CTNNA3: variants seen among roughly 807,000 people sequenced by gnomAD.
CTNNA3 encodes catenin alpha 3.
In CTNNA3, 76 loss-of-function variants were observed where a neutral mutation model predicts 95.7. That is an observed-to-expected ratio of 0.79 (90% CI 0.66 to 0.96). The LOEUF (loss-of-function observed/expected upper bound fraction) is 0.96. Ranked by LOEUF, CTNNA3 falls within the 40% of genes least tolerant of loss-of-function variation. The probability of loss-of-function intolerance (pLI) is 0.00; values close to 1 mark genes in which losing one functional copy is unlikely to be tolerated. For synonymous variants in CTNNA3, 431 were observed against 374.4 expected (o/e 1.15, Z -1.74); for missense variants, 1,191 against 1,089.8 (o/e 1.09, Z -1.31).
At chr10:66,244,400 A>G (rs1174991175) in intron 13 of CTNNA3, among the ~76,000 whole-genome samples, 1 of 152,164 alleles carries the variant, frequency 6.6e-6, no homozygotes, top group East Asian at 1.9e-4. Context: ...TTGAGGGAAC[A>G]TAGGCAGTAG....
Position 66,379,182 on chromosome 10 carries a change from T to C in CTNNA3, c.1702A>G (p.Met568Val). ...YEPGAYTEGV[M>V]RNVNFLTSTV... ...CTTGTAAGGAAGTTAACATTTCTCA[T>C]TACACCTTCCGTGTAAGCCCCTGGC... The change falls in exon 12 of 18, where the codon ATG (methionine) becomes GTG (valine). Residue 568 changes from methionine to valine, a missense_variant. By Grantham distance (21) the Met-to-Val change is conservative. Coordinates refer to ENST00000433211, the MANE Select transcript of CTNNA3 (RefSeq NM_013266.4). 1 of 1,614,142 alleles carries C rather than the reference T, an allele frequency of 6.2e-7. No individual in the cohort carries two copies. The highest frequency in any genetic ancestry group is 8.5e-7 in the Non-Finnish European group (1 of 1,179,988).
chr10:66,656,935 T>C (rs888331185), intron 9 of CTNNA3, among the ~76,000 whole-genome samples: 11 of 152,124 alleles, frequency 7.2e-5, no homozygotes, highest in African/African-American at 2.4e-4. Flanking sequence ...ATTGTCATTG[T>C]TAAAACTTTT....
intron 5 of CTNNA3, among the ~76,000 whole-genome samples, chr10:67,509,524 T>A (rs929970907): frequency 1.3e-5 from 2 of 152,194 alleles, no homozygotes; most frequent in Non-Finnish European, 2.9e-5. Context: ...CATGAACTCA[T>A]CCTTTTTTAT....
chr10:66,495,572 CT>C (rs1840072211), intron 11 of CTNNA3, among the ~76,000 whole-genome samples: 1 of 152,080 alleles, frequency 6.6e-6, no homozygotes, highest in Admixed American at 6.5e-5. Flanking sequence ...ACAAAAGTAT[CT>C]ACGTAATTGG....
At chr10:66,200,240 G>C (rs948062936) in intron 13 of CTNNA3, among the ~76,000 whole-genome samples, 1 of 149,716 alleles carries the variant, frequency 6.7e-6, no homozygotes, top group Admixed American at 6.7e-5. Context: ...TAAGGGAAGG[G>C]AGGGGAGGGG....
intron 12 of CTNNA3, among the ~76,000 whole-genome samples, chr10:66,295,857 G>A (rs2091768909): frequency 1.3e-5 from 2 of 152,192 alleles, no homozygotes; most frequent in African/African-American, 4.8e-5. Flanking sequence ...ATCTGCAGAA[G>A]TGGTAATATG....
chr10:66,311,761 A>G (rs2092024416), intron 12 of CTNNA3, among the ~76,000 whole-genome samples: 4 of 152,202 alleles, frequency 2.6e-5, no homozygotes, highest in Non-Finnish European at 5.9e-5. Context: ...ACTCTTGTAT[A>G]TGGAAAAGGA....
chr10:67,242,807 T>C (rs952570849), intron 5 of CTNNA3, among the ~76,000 whole-genome samples: 4 of 152,212 alleles, frequency 2.6e-5, no homozygotes, highest in African/African-American at 9.6e-5. Flanking sequence ...CTCATTTTAA[T>C]GGAAATAGCA....
At chr10:66,511,332 T>C (rs1911352) in intron 11 of CTNNA3, among the ~76,000 whole-genome samples, 138,007 of 151,706 alleles carry the variant, frequency 0.91, 63,303 homozygotes, top group Non-Finnish European at 0.96. Flanking sequence ...ACTTTTTTCA[T>C]GAATCTTTTG....
chr10:67,160,887 T>G (rs540128245), intron 7 of CTNNA3, among the ~76,000 whole-genome samples: 1 of 152,314 alleles, frequency 6.6e-6, no homozygotes, highest in South Asian at 2.1e-4. Context: ...ACAACATGAA[T>G]GAATTCTTGA....
At chr10:67,334,209 T>C (rs1006678183) in intron 5 of CTNNA3, 1 of 157,470 alleles carries the variant, frequency 6.4e-6, no homozygotes, top group African/African-American at 2.4e-5. Context: ...AATCCCCTGT[T>C]TGAGAAAAGG....
chr10:67,165,358 G>A (rs1273795436), intron 7 of CTNNA3, among the ~76,000 whole-genome samples: 1 of 152,118 alleles, frequency 6.6e-6, no homozygotes, highest in African/African-American at 2.4e-5. Flanking sequence ...ACGGGGCAGG[G>A]GCAGGTGGTA....
At chr10:66,214,086 GA>G (rs2088355404) in intron 13 of CTNNA3, among the ~76,000 whole-genome samples, 1 of 152,076 alleles carries the variant, frequency 6.6e-6, no homozygotes, top group African/African-American at 2.4e-5. Flanking sequence ...AAAACGATAA[GA>G]AAAAAAGATT....
intron 7 of CTNNA3, among the ~76,000 whole-genome samples, chr10:66,802,831 G>A (rs575742059): frequency 6.6e-6 from 1 of 151,808 alleles, no homozygotes; most frequent in African/African-American, 2.4e-5. Context: ...ATATAGCCAC[G>A]AATGTGGAGG....
intron 3 of CTNNA3, among the ~76,000 whole-genome samples, chr10:67,549,604 TC>T (rs1488010303): frequency 1.3e-5 from 2 of 152,188 alleles, no homozygotes; most frequent in Non-Finnish European, 2.9e-5. Flanking sequence ...TATTCTTAGT[TC>T]CTTTACTTCA....
chr10:67,666,009 T>C lies in CTNNA3; in HGVS notation c.-5-18491A>G, dbSNP rs566304665. On this transcript the variant is annotated intron_variant, in intron 1 of 17. Coordinates refer to ENST00000433211, the MANE Select transcript of CTNNA3 (RefSeq NM_013266.4). ...ATCAAGCTTTCAGGTTACTTAAGAA[T>C]ATGCCTGTTATTTTTAACAGAAATT... Among the ~76,000 whole-genome samples the C allele has an allele frequency of 4.6e-5, 7 of 152,300 alleles. No homozygotes were observed. In the South Asian group the frequency reaches 1.4e-3, roughly 32 times the overall value.
intron 9 of CTNNA3, among the ~76,000 whole-genome samples, chr10:66,701,124 C>A (rs1468437890): frequency 6.6e-6 from 1 of 152,070 alleles, no homozygotes; most frequent in Non-Finnish European, 1.5e-5. Context: ...AAATGATTAT[C>A]CTTTGCCCAC....
chr10:67,232,867 T>C (rs1247786103), intron 5 of CTNNA3, among the ~76,000 whole-genome samples: 3 of 151,828 alleles, frequency 2.0e-5, no homozygotes, highest in Admixed American at 1.3e-4. Context: ...AATCCTAGTC[T>C]CTGATAAAAC....
chr10:67,683,696 A>G (rs1470290943), intron 1 of CTNNA3, among the ~76,000 whole-genome samples: 1 of 152,240 alleles, frequency 6.6e-6, no homozygotes, highest in Non-Finnish European at 1.5e-5. Context: ...TTCAAGAACG[A>G]AGCCACAGAC....
Sources: gnomAD v4.1 joint callset for allele counts (sites outside exome capture counted in the v4.1 genomes callset) on GRCh38, gnomAD v4.1.1 for gene constraint, MANE v1.5 for transcripts, NCBI Gene and HGNC (gene_info 2026-07-23, HGNC 2026-07-21) for gene names.